Variants in ADAMTS3 observed in about 807,000 individuals in gnomAD.
The protein encoded by ADAMTS3 is A disintegrin and metalloproteinase with thrombospondin motifs 3.
ADAMTS3 carries 73 observed loss-of-function variants against 129.0 expected under a neutral mutation model. The ratio of observed to expected loss-of-function variants is 0.57; its 90% CI spans 0.47 to 0.69. The LOEUF (loss-of-function observed/expected upper bound fraction) is 0.69. Among genes scored for constraint, ADAMTS3 ranks in the 30% least tolerant of loss-of-function variants. The probability of loss-of-function intolerance (pLI) is 0.00; values close to 1 mark genes in which losing one functional copy is unlikely to be tolerated. For missense variants in ADAMTS3, 1,457 were observed against 1,514.5 expected, an observed-to-expected ratio of 0.96 and a Z score of 0.63; for synonymous variants, 477 against 510.8, an observed-to-expected ratio of 0.93 and a Z score of 0.89.
intron 3 of ADAMTS3, among the ~76,000 whole-genome samples, chr4:72,432,835 A>T (rs921280024): frequency 6.6e-6 from 1 of 151,968 alleles, no homozygotes; most frequent in Admixed American, 6.6e-5. Context: ...TGTGTATTAC[A>T]TGCCAAGCTT....
intron 18 of ADAMTS3, 52 bp downstream of exon 18, chr4:72,298,224 AT>A: frequency 6.8e-7 from 1 of 1,476,720 alleles, no homozygotes; most frequent in Non-Finnish European, 9.2e-7. Flanking sequence ...TAGAAGCAAG[AT>A]TGGTTTTTAT....
chr4:72,358,407 T>C (rs1169596629), intron 4 of ADAMTS3, among the ~76,000 whole-genome samples: 2 of 151,958 alleles, frequency 1.3e-5, no homozygotes, highest in Admixed American at 6.6e-5. Context: ...GGAGACTGTA[T>C]TTCAAGAAGC....
intron 4 of ADAMTS3, among the ~76,000 whole-genome samples, chr4:72,412,807 G>C (rs370085166): frequency 1.3e-5 from 2 of 151,996 alleles, no homozygotes; most frequent in African/African-American, 4.8e-5. Context: ...TATTACTCTA[G>C]TTGGTGGCCT....
chr4:72,400,245 A>G (rs183498796), intron 4 of ADAMTS3, among the ~76,000 whole-genome samples: 5 of 145,270 alleles, frequency 3.4e-5, no homozygotes, highest in African/African-American at 1.3e-4. Context: ...ATATGCACAC[A>G]TGGTGTGTAT....
intron 14 of ADAMTS3, among the ~76,000 whole-genome samples, chr4:72,310,277 C>G (rs1350214555): frequency 1.3e-5 from 2 of 152,076 alleles, no homozygotes; most frequent in Non-Finnish European, 2.9e-5. Context: ...ACACAATACA[C>G]TACTGCACTC....
intron 3 of ADAMTS3, among the ~76,000 whole-genome samples, chr4:72,486,648 A>G (rs1320807248): frequency 6.6e-6 from 1 of 152,168 alleles, no homozygotes; most frequent in Non-Finnish European, 1.5e-5. Context: ...TCAAATATGA[A>G]AGAAAAAAAT....
chr4:72,541,790 T>G (rs931147275), intron 3 of ADAMTS3, among the ~76,000 whole-genome samples: 2 of 152,194 alleles, frequency 1.3e-5, no homozygotes, highest in African/African-American at 4.8e-5. Flanking sequence ...CCACCACGAT[T>G]GTGAGGCCTC....
chr4:72,401,723 T>C lies in ADAMTS3; in HGVS notation c.661+13092A>G, dbSNP rs531837445. On this transcript the variant is annotated intron_variant, in intron 4 of 21. Coordinates refer to ENST00000286657, the MANE Select transcript of ADAMTS3 (RefSeq NM_014243.3). ...ACAAAGGAAAGATGTAGTTGTGATT[T>C]AAGAAAAAAAGTCAGAGATAACTTA... is the stretch of plus-strand genomic sequence containing the variant. Among the ~76,000 whole-genome samples, 4 of 152,090 alleles carry C rather than the reference T, an allele frequency of 2.6e-5. No individual in the cohort carries two copies. The South Asian group carries it at 8.3e-4, about 32-fold the overall frequency.
chr4:72,287,117 T>C (rs72653979), intron 21 of ADAMTS3, among the ~76,000 whole-genome samples: 7,336 of 151,776 alleles, frequency 0.048, 240 homozygotes, highest in Non-Finnish European at 0.073. Flanking sequence ...CATGCCCTTA[T>C]AAAAGAGAAT....
At chr4:72,297,815 T>C (rs1718846604) in intron 18 of ADAMTS3, among the ~76,000 whole-genome samples, 2 of 152,174 alleles carry the variant, frequency 1.3e-5, no homozygotes, top group South Asian at 2.1e-4. Context: ...TGCATTGATA[T>C]ATAAAGCATT....
chr4:72,526,861 G>GTATGACCACT (rs1720831179), intron 3 of ADAMTS3, among the ~76,000 whole-genome samples: 1 of 146,638 alleles, frequency 6.8e-6, no homozygotes, highest in Non-Finnish European at 1.5e-5. Flanking sequence ...TCAAATATTA[G>GTATGACCACT]GTGAACAAGG....
intron 3 of ADAMTS3, among the ~76,000 whole-genome samples, chr4:72,476,980 T>G (rs1289353958): frequency 2.0e-5 from 3 of 152,152 alleles, no homozygotes; most frequent in Admixed American, 6.6e-5. Flanking sequence ...AATTCAATAT[T>G]CATTTGTAAT....
chr4:72,393,170 C>T (rs1412940595), intron 4 of ADAMTS3, among the ~76,000 whole-genome samples: 1 of 152,044 alleles, frequency 6.6e-6, no homozygotes. Flanking sequence ...GTGATCCACC[C>T]ACCTCGGCCG....
chr4:72,518,599 C>G (rs1232593858), intron 3 of ADAMTS3, among the ~76,000 whole-genome samples: 2 of 152,112 alleles, frequency 1.3e-5, no homozygotes, highest in African/African-American at 4.8e-5. Flanking sequence ...TAATAGCCTT[C>G]TTTGTCTCTT....
At chr4:72,546,023 T>TA (rs1721458703) in intron 3 of ADAMTS3, among the ~76,000 whole-genome samples, 1 of 152,180 alleles carries the variant, frequency 6.6e-6, no homozygotes, top group South Asian at 2.1e-4. Flanking sequence ...CAGCTAGACT[T>TA]ACTAAAATAG....
At chr4:72,457,782 C>T (rs575542306) in intron 3 of ADAMTS3, among the ~76,000 whole-genome samples, 1 of 151,616 alleles carries the variant, frequency 6.6e-6, no homozygotes, top group African/African-American at 2.4e-5. Flanking sequence ...TGATTCAAAA[C>T]AAACTACTAA....
intron 3 of ADAMTS3, among the ~76,000 whole-genome samples, chr4:72,500,341 GT>G (rs1719982300): frequency 6.6e-6 from 1 of 152,040 alleles, no homozygotes; most frequent in South Asian, 2.1e-4. Context: ...GTATTTCCTT[GT>G]GGTTTTGATT....
chr4:72,462,825 C>T (rs1279771127), intron 3 of ADAMTS3, among the ~76,000 whole-genome samples: 1 of 151,216 alleles, frequency 6.6e-6, no homozygotes, highest in African/African-American at 2.4e-5. Flanking sequence ...AAAAAAAAAT[C>T]GTAAACATTT....
chr4:72,302,936 A>G (rs1718989281), intron 17 of ADAMTS3, among the ~76,000 whole-genome samples: 1 of 152,122 alleles, frequency 6.6e-6, no homozygotes, highest in Admixed American at 6.5e-5. Flanking sequence ...GAGATCTGTT[A>G]GCTCAAAAGC....
Sources: gnomAD v4.1 joint callset for allele counts (sites outside exome capture counted in the v4.1 genomes callset) on GRCh38, gnomAD v4.1.1 for gene constraint, MANE v1.5 for transcripts, NCBI Gene and HGNC (gene_info 2026-07-23, HGNC 2026-07-21) for gene names.